UNC13C: variants seen among roughly 807,000 people sequenced by gnomAD.
The protein encoded by UNC13C is protein unc-13 homolog C.
A neutral mutation model predicts 245.4 loss-of-function variants in UNC13C; 174 were observed. The ratio of observed to expected loss-of-function variants is 0.71; its 90% CI spans 0.63 to 0.80. The LOEUF (loss-of-function observed/expected upper bound fraction) is 0.80, where lower values mean the gene tolerates loss of function less well. UNC13C is among the 30% of genes least tolerant of loss of function. The pLI is 0.00. For synonymous variants in UNC13C, 992 were observed against 895.1 expected (o/e 1.11, Z -1.93); for missense variants, 2,829 against 2,602.9 (o/e 1.09, Z -1.89).
the UNC13C span, among the ~76,000 whole-genome samples, chr15:53,970,944 A>T: frequency 6.6e-6 from 1 of 152,178 alleles, no homozygotes; most frequent in African/African-American, 2.4e-5. Flanking sequence ...ACTGTTTTGC[A>T]TAGTAGCTAC....
Position 54,494,623 on chromosome 15 carries a change from G to C in UNC13C, c.4949G>C (p.Arg1650Pro). ...TCTGTTATAGAACATGAAAATCAGC[G>C]GTTATGCAAGAGCACCGATTATATG... The part of the protein sequence containing the change: ...KYALEEHENQ[R>P]LCKSTDYMNL... The change falls in exon 20 of 33, where the codon CGG becomes CCG. Residue 1650 changes from arginine (R) to proline (P), a missense_variant. Coordinates refer to ENST00000260323, the MANE Select transcript of UNC13C (RefSeq NM_001080534.3). 1 of 1,607,102 alleles carries C rather than the reference G, an allele frequency of 6.2e-7. No homozygotes were observed. Among genetic ancestry groups the C allele is most frequent in the East Asian group, 2.2e-5 (1 of 44,630 alleles).
rs1295634872 is a variant in UNC13C at position 54,393,079 on chromosome 15, A to G, written c.4745A>G (p.Gln1582Arg). ...SKKQDIPRED[Q>R]GPTTKNLDFW... Reference sequence around the variant, plus strand: ...AAACAGGATATTCCTCGTGAAGATCAGGGACCAACCACCAAGAATTTGGAT... The same window carrying G: ...AAACAGGATATTCCTCGTGAAGATCGGGGACCAACCACCAAGAATTTGGAT... Residue 1582 changes from glutamine to arginine, a missense_variant, in exon 18 of 33, where the codon CAG becomes CGG. Gln to Arg is a conservative substitution (Grantham distance 43). Coordinates refer to ENST00000260323, the MANE Select transcript of UNC13C (RefSeq NM_001080534.3). 1.2e-6 allele frequency: 2 copies of G among 1,609,382 alleles called. No homozygotes were observed. Among genetic ancestry groups the G allele is most frequent in the Non-Finnish European group, 8.5e-7 (1 of 1,177,956 alleles).
chr15:53,858,833 C>G, the UNC13C span, among the ~76,000 whole-genome samples: 2 of 152,122 alleles, frequency 1.3e-5, no homozygotes, highest in African/African-American at 4.8e-5. Flanking sequence ...ATTAAGGAGT[C>G]ATTTTAATAC....
chr15:54,588,409 G>A (rs980925112), intron 30 of UNC13C, among the ~76,000 whole-genome samples: 4 of 152,128 alleles, frequency 2.6e-5, no homozygotes, highest in African/African-American at 7.2e-5. Context: ...TGACAGTAGT[G>A]TCCCCTAAAT....
intron 30 of UNC13C, among the ~76,000 whole-genome samples, chr15:54,613,264 A>AT (rs1014457210): frequency 7.9e-5 from 12 of 151,928 alleles, no homozygotes; most frequent in African/African-American, 2.9e-4. Context: ...CCTCCAAAAG[A>AT]TTTTGAAATT....
At chr15:54,144,343 G>A (rs1465556936) in intron 4 of UNC13C, among the ~76,000 whole-genome samples, 1 of 141,754 alleles carries the variant, frequency 7.1e-6, no homozygotes, top group African/African-American at 2.6e-5. Context: ...TTTTTTTTTT[G>A]CATTTTAACA....
At chr15:53,979,828 T>TA (rs1240913637) in intron 1 of UNC13C, among the ~76,000 whole-genome samples, 1 of 152,152 alleles carries the variant, frequency 6.6e-6, no homozygotes, top group Non-Finnish European at 1.5e-5. Flanking sequence ...TTGAAATTAA[T>TA]AAAAAACTTA....
At chr15:54,148,207 A>G (rs2032362808) in intron 4 of UNC13C, among the ~76,000 whole-genome samples, 1 of 152,188 alleles carries the variant, frequency 6.6e-6, no homozygotes, top group Non-Finnish European at 1.5e-5. Flanking sequence ...CCTCATTTTC[A>G]AACAGGTACA....
chr15:53,949,339 A>C, the UNC13C span, among the ~76,000 whole-genome samples: 1 of 152,218 alleles, frequency 6.6e-6, no homozygotes, highest in Non-Finnish European at 1.5e-5. Context: ...GCTGTTTAAA[A>C]AAATTTAGCA....
At chr15:53,872,940 T>C in the UNC13C span, among the ~76,000 whole-genome samples, 1 of 152,164 alleles carries the variant, frequency 6.6e-6, no homozygotes, top group African/African-American at 2.4e-5. Context: ...GTTCCATGGC[T>C]TTCAGATTTT....
intron 17 of UNC13C, among the ~76,000 whole-genome samples, chr15:54,389,810 C>T (rs973026496): frequency 6.6e-6 from 1 of 151,866 alleles, no homozygotes; most frequent in South Asian, 2.1e-4. Flanking sequence ...CTCACTGCAA[C>T]CGCCACCTCT....
the UNC13C span, among the ~76,000 whole-genome samples, chr15:53,854,382 G>A: frequency 6.6e-6 from 1 of 151,906 alleles, no homozygotes; most frequent in East Asian, 1.9e-4. Context: ...GCCTCCCAAA[G>A]TGCTGGGATT....
At chr15:54,513,404 C>T (rs1310458674) in intron 24 of UNC13C, among the ~76,000 whole-genome samples, 1 of 152,104 alleles carries the variant, frequency 6.6e-6, no homozygotes, top group Non-Finnish European at 1.5e-5. Context: ...ATGTGAATAA[C>T]ATATTGTTGA....
intron 2 of UNC13C, among the ~76,000 whole-genome samples, chr15:54,124,556 C>T (rs190173052): frequency 2.1e-4 from 32 of 152,130 alleles, no homozygotes; most frequent in Admixed American, 2.0e-3. Context: ...TTGTGATTTA[C>T]AATTTTTTTC....
intron 18 of UNC13C, among the ~76,000 whole-genome samples, chr15:54,409,359 T>G (rs2140942304): frequency 6.6e-6 from 1 of 152,046 alleles, no homozygotes; most frequent in African/African-American, 2.4e-5. Context: ...TAAATGGGGG[T>G]TTTTGTTTTG....
chr15:54,454,427 A>C (rs770955671), intron 19 of UNC13C, among the ~76,000 whole-genome samples: 1 of 151,994 alleles, frequency 6.6e-6, no homozygotes, highest in Non-Finnish European at 1.5e-5. Context: ...AAATACAAAA[A>C]GTTAGCCGGG....
At chr15:54,430,784 TG>T (rs1251673932) in intron 19 of UNC13C, among the ~76,000 whole-genome samples, 2 of 151,744 alleles carry the variant, frequency 1.3e-5, no homozygotes, top group African/African-American at 4.8e-5. Context: ...ATGAGCTTTC[TG>T]GGAAATGGAG....
At chr15:54,567,239 TCAGACA>T (rs1383148004) in intron 29 of UNC13C, among the ~76,000 whole-genome samples, 1 of 152,078 alleles carries the variant, frequency 6.6e-6, no homozygotes, top group Non-Finnish European at 1.5e-5. Flanking sequence ...ATTATATTTA[TCAGACA>T]CAAAGTTCAA....
Position 54,249,190 on chromosome 15 carries a change from C to G in UNC13C, c.3229-1035C>G, listed in dbSNP as rs374370923. Among the ~76,000 whole-genome samples the G allele has an allele frequency of 1.3e-3, 201 of 151,118 alleles. 4 individuals carry two copies. The highest frequency in any genetic ancestry group is 4.5e-3 in the African/African-American group (187 of 41,158). On this transcript the variant is annotated intron_variant, in intron 7 of 32. Coordinates refer to ENST00000260323, the MANE Select transcript of UNC13C (RefSeq NM_001080534.3). ...AAGCATAGAAAAGGACTCATTTAAC[C>G]AATTCTCTTTTCTATTGGCCTGTGT...
Sources: allele counts gnomAD v4.1 joint callset (sites outside exome capture counted in the v4.1 genomes callset), GRCh38; gene constraint gnomAD v4.1.1; transcripts MANE v1.5; gene names NCBI Gene and HGNC (gene_info 2026-07-23, HGNC 2026-07-21).